Variants in SETMAR observed in about 807,000 individuals in gnomAD.
SETMAR encodes the protein SET and mariner transposase domain methyltransferase, also known as histone-lysine N-methyltransferase SETMAR.
SETMAR carries 44 observed loss-of-function variants against 58.4 expected under a neutral mutation model. That is an observed-to-expected ratio of 0.75 (90% confidence interval 0.59 to 0.97). The LOEUF (loss-of-function observed/expected upper bound fraction) is 0.97. SETMAR is among the 50% of genes least tolerant of loss of function. The pLI, the probability that SETMAR is intolerant of heterozygous loss-of-function variation, is 0.00. For synonymous variants in SETMAR, 332 were observed against 307.4 expected (o/e 1.08, Z -0.84); for missense variants, 903 against 840.2 (o/e 1.07, Z -0.92).
intron 1 of SETMAR, chr3:4,303,987 A>G: frequency 1.7e-6 from 1 of 579,358 alleles, no homozygotes; most frequent in Non-Finnish European, 2.5e-6. Context: ...GCGAGTGTAA[A>G]TTAGCTGTGG....
At chr3:4,311,997 A>C (rs1414259067) in intron 1 of SETMAR, among the ~76,000 whole-genome samples, 2 of 152,236 alleles carry the variant, frequency 1.3e-5, no homozygotes, top group African/African-American at 2.4e-5. Context: ...TCTTCTTTTT[A>C]TATAACATTT....
At chr3:4,313,838 A>G (rs1218286352) in intron 2 of SETMAR, 77 bp downstream of exon 2, 1 of 1,586,894 alleles carries the variant, frequency 6.3e-7, no homozygotes, top group South Asian at 1.1e-5. Flanking sequence ...ACCTCTGCCT[A>G]GTTACATAAG....
chr3:4,311,789 T>C (rs1157617460), intron 1 of SETMAR, among the ~76,000 whole-genome samples: 5 of 152,226 alleles, frequency 3.3e-5, no homozygotes. Flanking sequence ...TTTATAAGTC[T>C]CATTAAATCC....
rs1198522946 is a variant in SETMAR at position 4,303,911 on chromosome 3, T to C, written c.156+385T>C. 4.9e-6 allele frequency: 6 copies of C among 1,221,654 alleles called. No homozygotes were observed. In the South Asian group the frequency reaches 8.9e-5, roughly 18 times the overall value. The allele number at this position is 1,221,654 out of a possible 1,614,324, so 75.7% of individuals were successfully genotyped here. A position where few individuals can be genotyped will look rare whatever the true frequency, so the allele number is the denominator to read the frequency against. ...GCCTATTAATGGATCGCAGCCGGTG[T>C]CGTGCATAAAAACAGCCCCTCGAGT... is the stretch of plus-strand genomic sequence containing the variant. On this transcript the variant is annotated intron_variant, in intron 1 of 2. Coordinates refer to ENST00000358065, the MANE Select transcript of SETMAR (RefSeq NM_006515.4).
At chr3:4,306,909 AAATAAACT>A (rs1265343991) in intron 1 of SETMAR, among the ~76,000 whole-genome samples, 1 of 152,252 alleles carries the variant, frequency 6.6e-6, no homozygotes, top group African/African-American at 2.4e-5. Flanking sequence ...GCCAAGTAGA[AAATAAACT>A]AATTGATTTT....
chr3:4,303,531 G>A lies in SETMAR; in HGVS notation c.156+5G>A. On this transcript the variant is annotated splice_donor_5th_base_variant and intron_variant, in intron 1 of 2. Coordinates refer to ENST00000358065, the MANE Select transcript of SETMAR (RefSeq NM_006515.4). ...GCCGCGCCGGCGCCCTTCCAGGTAGGGGCGGGGCCAGGCGGCGCGGGAGGC... is the reference window on the plus strand; with the variant it reads ...GCCGCGCCGGCGCCCTTCCAGGTAGAGGCGGGGCCAGGCGGCGCGGGAGGC... 1.4e-6 allele frequency: 2 copies of A among 1,394,514 alleles called. No homozygotes were observed. Among genetic ancestry groups the A allele is most frequent in the Non-Finnish European group, 1.9e-6 (2 of 1,078,344 alleles). 86.4% of individuals were successfully genotyped at this position (1,394,514 alleles called of 1,614,324 possible). A position where few individuals can be genotyped will look rare whatever the true frequency, so the allele number is the denominator to read the frequency against.
Position 4,313,444 on chromosome 3 carries a change from G to A in SETMAR, c.703G>A (p.Val235Ile). The A allele has an allele frequency of 6.2e-7, 1 of 1,613,990 alleles. No homozygotes were observed. Among genetic ancestry groups the A allele is most frequent in the Non-Finnish European group, 8.5e-7 (1 of 1,179,994 alleles). Reference protein sequence around the residue: ...SCEPNLLMIPVRIDSMVPKLA... With the variant: ...SCEPNLLMIPIRIDSMVPKLA... ...TGAGCCAAACCTTTTGATGATTCCT[G>A]TCCGAATTGACTCAATGGTACCTAA... Residue 235 changes from valine to isoleucine, a missense_variant, in exon 2 of 3, where the codon GTC (valine) becomes ATC (isoleucine). By Grantham distance (29) the Val-to-Ile change is conservative (BLOSUM62 3). Coordinates refer to ENST00000358065, the MANE Select transcript of SETMAR (RefSeq NM_006515.4).
In SETMAR at chr3:4,313,012, C is replaced by T. The variant is rs1348281156; in HGVS notation, c.271C>T (p.Arg91Cys). 5.0e-6 allele frequency: 8 copies of T among 1,613,860 alleles called. No individual in the cohort carries two copies. Among genetic ancestry groups the T allele is most frequent in the East Asian group, 2.2e-5 (1 of 44,866 alleles). The change falls in exon 2 of 3, where the codon CGC becomes TGC. Residue 91 changes from arginine (R) to cysteine (C), a missense_variant. Transcript: ENST00000358065. ...PCLPGTCSCLRHGENYDDNSC... is the reference protein window; with the variant it reads ...PCLPGTCSCLCHGENYDDNSC... ...CCTCCCTGGCACTTGCTCCTGTCTC[C>T]GCCATGGAGAGAACTATGATGATAA...
chr3:4,313,823 G>GCTTT, intron 2 of SETMAR, 62 bp downstream of exon 2: 1 of 1,601,968 alleles, frequency 6.2e-7, no homozygotes, highest in Non-Finnish European at 8.5e-7. Flanking sequence ...TGGTTGGCTA[G>GCTTT]CTTTACCTCT....
chr3:4,313,202 G>A lies in SETMAR; in HGVS notation c.461G>A (p.Arg154His), dbSNP rs762523701. The part of the protein sequence containing the change: ...FKTHKKGWGL[R>H]TLEFIPKGRF... The stretch of plus-strand genomic sequence containing the variant: ...ACGCATAAAAAAGGCTGGGGACTTC[G>A]TACCTTGGAATTTATACCGAAAGGA... The change falls in exon 2 of 3, where the codon CGT becomes CAT. Residue 154 changes from arginine (R) to histidine (H), a missense_variant. By Grantham distance (29) the Arg-to-His change is conservative (BLOSUM62 0). Transcript: ENST00000358065. The A allele has an allele frequency of 5.0e-6, 8 of 1,613,796 alleles. No homozygotes were observed. Among genetic ancestry groups the A allele is most frequent in the Admixed American group, 1.7e-5 (1 of 59,948 alleles).
chr3:4,306,861 T>C (rs189801560), intron 1 of SETMAR, among the ~76,000 whole-genome samples: 181 of 152,348 alleles, frequency 1.2e-3, no homozygotes, highest in South Asian at 2.3e-3. Flanking sequence ...AATGTTCATA[T>C]TGGAAACAAG....
Position 4,303,430 on chromosome 3 carries a change from G to T in SETMAR, c.60G>T (p.Lys20Asn). The T allele has an allele frequency of 6.4e-7, 1 of 1,555,326 alleles. No individual in the cohort carries two copies. The highest frequency in any genetic ancestry group is 8.7e-7 in the Non-Finnish European group (1 of 1,155,646). ...RPCGMAEFKE[K>N]PEAPTEQLDV... ...GTGGGATGGCGGAGTTTAAGGAGAA[G>T]CCTGAGGCCCCGACTGAGCAGCTGG... The change falls in exon 1 of 3, where the codon AAG becomes AAT. Residue 20 changes from lysine to asparagine, a missense_variant. Physicochemically the swap from Lys to Asn is moderately conservative, Grantham distance 94. Transcript: ENST00000358065.
chr3:4,305,147 G>T (rs1454619502), intron 1 of SETMAR, among the ~76,000 whole-genome samples: 4 of 152,082 alleles, frequency 2.6e-5, no homozygotes. Context: ...GAGTGTGGTG[G>T]TGCGATCAGC....
chr3:4,308,586 T>A (rs546226049), intron 1 of SETMAR, among the ~76,000 whole-genome samples: 1 of 152,228 alleles, frequency 6.6e-6, no homozygotes, highest in Non-Finnish European at 1.5e-5. Flanking sequence ...CCTTGTCTTA[T>A]AGCTACTAAT....
Position 4,313,672 on chromosome 3 carries a change from T to C in SETMAR, c.931T>C (p.Ser311Pro). ...DSSLYCPVEK[S>P]NISCGNEKEP... ...TTCTCTGTACTGCCCCGTAGAAAAG[T>C]CGAACATCAGTTGTGGAAATGAGAA... Residue 311 changes from serine to proline, a missense_variant, in exon 2 of 3, where the codon TCG (serine) becomes CCG (proline). By Grantham distance (74) the Ser-to-Pro change is moderately conservative (BLOSUM62 -1). Coordinates refer to ENST00000358065, the MANE Select transcript of SETMAR (RefSeq NM_006515.4). 2 of 1,614,042 alleles carry C rather than the reference T, an allele frequency of 1.2e-6. No individual in the cohort carries two copies. Among genetic ancestry groups the C allele is most frequent in the Non-Finnish European group, 8.5e-7 (1 of 1,179,968 alleles).
At position 4,316,908 on chromosome 3, in the gene SETMAR, C is replaced by T. The variant is rs372022724; in HGVS notation, c.1717C>T (p.Leu573=). 3.4e-5 allele frequency: 52 copies of T among 1,549,414 alleles called. No individual in the cohort carries two copies. Among genetic ancestry groups the T allele is most frequent in the Admixed American group, 1.2e-4 (6 of 50,990 alleles). Residue 573 remains leucine (L), a synonymous_variant, in exon 3 of 3, where the codon CTG becomes TTG. Coordinates refer to ENST00000358065, the MANE Select transcript of SETMAR (RefSeq NM_006515.4). The part of the protein sequence containing the change: ...IDEMNQKLQR[L]QLALVNRKGP... ...TGAGATGAACCAAAAACTGCAACGC[C>T]TGCAGCTGGCATTGGTCAACAGAAA...
At chr3:4,311,326 T>C (rs1698395859) in intron 1 of SETMAR, among the ~76,000 whole-genome samples, 1 of 152,176 alleles carries the variant, frequency 6.6e-6, no homozygotes, top group Non-Finnish European at 1.5e-5. Context: ...AAAATAATAA[T>C]GGAGGATTGA....
Position 4,303,382 on chromosome 3 carries a change from A to AGCGGCAAAGACGAC in SETMAR, c.13_26dup (p.Pro11GlnfsTer53), listed in dbSNP as rs762340261. The stretch of plus-strand genomic sequence containing the variant: ...CGTGAGGCGGGTAAATGTTCGCGGA[A>AGCGGCAAAGACGAC]GCGGCAAAGACGACACGGCCTTGTG... On this transcript the variant is annotated frameshift_variant, in exon 1 of 3. Coordinates refer to ENST00000358065, the MANE Select transcript of SETMAR (RefSeq NM_006515.4). LOFTEE classifies it high-confidence loss of function. 1.3e-4 allele frequency: 203 copies of AGCGGCAAAGACGAC among 1,552,540 alleles called. No homozygotes were observed. In the South Asian group the frequency reaches 2.3e-3, roughly 18 times the overall value.
At chr3:4,305,465 T>C (rs1021706178) in intron 1 of SETMAR, among the ~76,000 whole-genome samples, 2 of 152,278 alleles carry the variant, frequency 1.3e-5, no homozygotes, top group East Asian at 1.9e-4. Context: ...ATGTTTCTTA[T>C]CTAACTTAAA....
Sources: gnomAD v4.1 joint callset for allele counts (sites outside exome capture counted in the v4.1 genomes callset) on GRCh38, gnomAD v4.1.1 for gene constraint, MANE v1.5 for transcripts, NCBI Gene and HGNC (gene_info 2026-07-23, HGNC 2026-07-21) for gene names.